The following ZBTB20 variants were observed in gnomAD, a reference collection of about 807,000 sequenced individuals.
ZBTB20 encodes the protein zinc finger and BTB domain-containing protein 20.
ZBTB20 carries 9 observed loss-of-function variants against 56.9 expected under a neutral mutation model. The ratio of observed to expected loss-of-function variants is 0.16; its 90% CI spans 0.10 to 0.28. The LOEUF is 0.28. Ranked by LOEUF, ZBTB20 falls within the 10% of genes least tolerant of loss-of-function variation. The pLI, the probability that ZBTB20 is intolerant of heterozygous loss-of-function variation, is 1.00. For synonymous variants in ZBTB20, 417 were observed against 420.7 expected, an observed-to-expected ratio of 0.99 and a Z score of 0.11; for missense variants, 655 against 1,003.0, an observed-to-expected ratio of 0.65 and a Z score of 4.69.
chr3:115,133,006 G>A (rs755333278), intron 1 of ZBTB20, among the ~76,000 whole-genome samples: 15 of 151,784 alleles, frequency 9.9e-5, no homozygotes, highest in South Asian at 4.2e-4. Flanking sequence ...AATATACTTC[G>A]TAAGTGAAAT....
chr3:114,798,698 T>C (rs1322007876), intron 5 of ZBTB20, among the ~76,000 whole-genome samples: 1 of 152,034 alleles, frequency 6.6e-6, no homozygotes, highest in Non-Finnish European at 1.5e-5. Flanking sequence ...TTTCCCACTA[T>C]AATGTTTGGT....
intron 6 of ZBTB20, among the ~76,000 whole-genome samples, chr3:114,671,226 A>AAAAT (rs2061343895): frequency 6.6e-6 from 1 of 152,152 alleles, no homozygotes; most frequent in Non-Finnish European, 1.5e-5. Context: ...AATATTTATT[A>AAAAT]AAAGTGCTTT....
chr3:114,629,670 T>A (rs1318426155), intron 6 of ZBTB20, among the ~76,000 whole-genome samples: 1 of 152,166 alleles, frequency 6.6e-6, no homozygotes, highest in Non-Finnish European at 1.5e-5. Flanking sequence ...AGATGACTTA[T>A]CATATTTATC....
At chr3:115,129,929 T>C (rs1007796514) in intron 1 of ZBTB20, among the ~76,000 whole-genome samples, 1 of 152,196 alleles carries the variant, frequency 6.6e-6, no homozygotes, top group Non-Finnish European at 1.5e-5. Context: ...TCATCAGTAA[T>C]ATGTTCTATT....
At chr3:115,112,087 A>C (rs1338067992) in intron 1 of ZBTB20, among the ~76,000 whole-genome samples, 2 of 152,118 alleles carry the variant, frequency 1.3e-5, no homozygotes, top group African/African-American at 2.4e-5. Context: ...TCCTATCTAA[A>C]TTTTAGATTA....
chr3:114,527,870 C>T (rs1043203908), intron 6 of ZBTB20, among the ~76,000 whole-genome samples: 3 of 152,080 alleles, frequency 2.0e-5, no homozygotes, highest in African/African-American at 7.2e-5. Flanking sequence ...TTGTTGTACA[C>T]AGTAGAGTTT....
At chr3:114,651,487 TG>T (rs2060124061) in intron 6 of ZBTB20, among the ~76,000 whole-genome samples, 1 of 151,218 alleles carries the variant, frequency 6.6e-6, no homozygotes, top group Admixed American at 6.6e-5. Context: ...TTCTTTTCTT[TG>T]GCTTTGACAA....
chr3:115,093,286 A>G (rs1348325629), intron 1 of ZBTB20, among the ~76,000 whole-genome samples: 2 of 152,208 alleles, frequency 1.3e-5, no homozygotes, highest in African/African-American at 4.8e-5. Flanking sequence ...CTAAGGTGAT[A>G]TAAGTGAAAC....
chr3:114,623,514 G>A (rs1163702853), intron 6 of ZBTB20, among the ~76,000 whole-genome samples: 1 of 152,144 alleles, frequency 6.6e-6, no homozygotes, highest in Non-Finnish European at 1.5e-5. Flanking sequence ...ATAAAGAAGA[G>A]GGTGTGACAA....
chr3:114,597,268 T>G (rs747077304), intron 6 of ZBTB20, among the ~76,000 whole-genome samples: 4 of 152,176 alleles, frequency 2.6e-5, no homozygotes, highest in Non-Finnish European at 4.4e-5. Flanking sequence ...TTCACCTCTC[T>G]TTTCCTGCCT....
intron 6 of ZBTB20, among the ~76,000 whole-genome samples, chr3:114,600,780 C>T (rs566628302): frequency 5.9e-5 from 9 of 152,068 alleles, no homozygotes; most frequent in African/African-American, 1.7e-4. Context: ...CATAACTAAA[C>T]CCAACTCTGG....
At chr3:114,343,058 C>T (rs896584429) in intron 11 of ZBTB20, among the ~76,000 whole-genome samples, 1 of 151,088 alleles carries the variant, frequency 6.6e-6, no homozygotes. Context: ...TAAAAGTATA[C>T]GTTTTTCTCA....
At chr3:114,700,659 C>A (rs1006777608) in intron 5 of ZBTB20, among the ~76,000 whole-genome samples, 2 of 152,024 alleles carry the variant, frequency 1.3e-5, no homozygotes, top group African/African-American at 4.8e-5. Context: ...ATCTCCTTGG[C>A]TTAATGTGGT....
intron 4 of ZBTB20, among the ~76,000 whole-genome samples, chr3:114,884,507 T>A (rs2076532060): frequency 1.3e-5 from 2 of 152,154 alleles, no homozygotes; most frequent in South Asian, 4.1e-4. Context: ...ATGTGGTGAA[T>A]GAACAGTTGA....
chr3:114,557,191 A>G (rs2051343948), intron 6 of ZBTB20, among the ~76,000 whole-genome samples: 1 of 151,984 alleles, frequency 6.6e-6, no homozygotes, highest in Non-Finnish European at 1.5e-5. Context: ...TTCTCTTTTC[A>G]GCTTTGATAT....
intron 9 of ZBTB20, 49 bp downstream of exon 9, chr3:114,380,728 C>A: frequency 1.4e-6 from 2 of 1,473,954 alleles, no homozygotes; most frequent in Non-Finnish European, 8.9e-7. Flanking sequence ...CCCTCTTCCC[C>A]CCTTAGGAGT....
chr3:114,704,646 T>C (rs2063601472), intron 5 of ZBTB20, among the ~76,000 whole-genome samples: 1 of 152,178 alleles, frequency 6.6e-6, no homozygotes, highest in Non-Finnish European at 1.5e-5. Flanking sequence ...TAGACTACTC[T>C]GAGAAGCAGA....
At chr3:114,557,234 T>C (rs1339776559) in intron 6 of ZBTB20, among the ~76,000 whole-genome samples, 2 of 151,978 alleles carry the variant, frequency 1.3e-5, no homozygotes, top group Non-Finnish European at 2.9e-5. Flanking sequence ...CCTTGAAATT[T>C]AGATAGGATA....
intron 1 of ZBTB20, among the ~76,000 whole-genome samples, chr3:115,137,649 T>C (rs772202610): frequency 2.0e-5 from 3 of 152,070 alleles, no homozygotes; most frequent in Non-Finnish European, 4.4e-5. Flanking sequence ...TCCATGAATA[T>C]GGGAAGGAGG....
Sources: gnomAD v4.1 joint callset for allele counts (sites outside exome capture counted in the v4.1 genomes callset) on GRCh38, gnomAD v4.1.1 for gene constraint, MANE v1.5 for transcripts, NCBI Gene and HGNC (gene_info 2026-07-23, HGNC 2026-07-21) for gene names.